Variants in PARP12 observed in about 807,000 individuals in gnomAD.
PARP12 encodes the protein poly(ADP-ribose) polymerase family member 12, also known as protein mono-ADP-ribosyltransferase PARP12.
Under a neutral mutation model 72.4 loss-of-function variants are expected in PARP12, and 59 were observed. The observed-to-expected ratio is 0.81, with a 90% CI of 0.66 to 1.01. PARP12 has a LOEUF of 1.01. Ranked by LOEUF, PARP12 falls within the 50% of genes least tolerant of loss-of-function variation. PARP12 has a pLI of 0.00. For synonymous variants in PARP12, 403 were observed against 371.4 expected, an observed-to-expected ratio of 1.09 and a Z score of -0.98; for missense variants, 851 against 914.0, an observed-to-expected ratio of 0.93 and a Z score of 0.89.
intron 9 of PARP12, among the ~76,000 whole-genome samples, 193 bp downstream of exon 9, chr7:140,028,420 T>C (rs1815817981): frequency 6.6e-6 from 1 of 152,170 alleles, no homozygotes; most frequent in Non-Finnish European, 1.5e-5. Context: ...AGCCAACTCC[T>C]GGGTGGTGAA....
At chr7:140,056,684 C>T (rs1245267619) in intron 3 of PARP12, among the ~76,000 whole-genome samples, 172 bp downstream of exon 3, 2 of 152,216 alleles carry the variant, frequency 1.3e-5, no homozygotes, top group African/African-American at 2.4e-5. Flanking sequence ...TTATCCTCAC[C>T]CCCGCACTCC....
chr7:140,041,464 A>G (rs1816464294), intron 6 of PARP12, 180 bp downstream of exon 6: 1 of 549,312 alleles, frequency 1.8e-6, no homozygotes, highest in Non-Finnish European at 3.2e-6. Flanking sequence ...AAGCTCATAC[A>G]AATAAATTCC....
chr7:140,059,952 A>G (rs1817372463), intron 1 of PARP12, among the ~76,000 whole-genome samples: 1 of 152,244 alleles, frequency 6.6e-6, no homozygotes, highest in African/African-American at 2.4e-5. Flanking sequence ...AGAGAAAGGA[A>G]GAACATTCCA....
Position 140,062,856 on chromosome 7 carries a change from G to A in PARP12, c.-9C>T, listed in dbSNP as rs1325949541. On this transcript the variant is annotated 5_prime_UTR_variant, in exon 1 of 12. Coordinates refer to ENST00000263549, the MANE Select transcript of PARP12 (RefSeq NM_022750.4). ...ACGCCGGCCTGGGCCATGGCCGCTG[G>A]GCCTGCTCCCGTCGGACCGCGGGTG... 2 of 1,299,380 alleles carry A rather than the reference G, an allele frequency of 1.5e-6. No homozygotes were observed. Among genetic ancestry groups the A allele is most frequent in the South Asian group, 2.2e-5 (1 of 46,400 alleles). 80.5% of individuals were successfully genotyped at this position (1,299,380 alleles called of 1,614,324 possible).
chr7:140,060,472 G>A (rs1817399935), intron 1 of PARP12, among the ~76,000 whole-genome samples: 1 of 152,134 alleles, frequency 6.6e-6, no homozygotes, highest in African/African-American at 2.4e-5. Context: ...AGAAATGGAA[G>A]GTTCAAGAAA....
rs776196722 is a variant in PARP12, at chr7:140,024,551, C to T, written c.*9G>A. On this transcript the variant is annotated 3_prime_UTR_variant, in exon 12 of 12. Transcript: ENST00000263549. Reference sequence around the variant, plus strand: ...GAGCAGGTGAAAGGCCTGGAACACTCCTGTGCGCTCACTGTCGGCTGCTGA... The same window carrying T: ...GAGCAGGTGAAAGGCCTGGAACACTTCTGTGCGCTCACTGTCGGCTGCTGA... 12 of 1,613,894 alleles carry T rather than the reference C, an allele frequency of 7.4e-6. No individual in the cohort carries two copies. The South Asian group carries it at 1.3e-4, about 18-fold the overall frequency.
chr7:140,062,036 G>A (rs1817473892), intron 1 of PARP12, among the ~76,000 whole-genome samples: 3 of 150,676 alleles, frequency 2.0e-5, no homozygotes, highest in Admixed American at 2.0e-4. Context: ...GCAGGGACCA[G>A]TGCCCCAGGA....
chr7:140,054,636 G>A (rs1817106541), intron 4 of PARP12, 26 bp downstream of exon 4: 2 of 1,548,420 alleles, frequency 1.3e-6, no homozygotes, highest in African/African-American at 1.4e-5. Flanking sequence ...CCCACAAGTG[G>A]AATGAAGGAG....
rs755861806 is a variant in PARP12, at chr7:140,024,899, C to G, written c.1781-14G>C. On this transcript the variant is annotated splice_polypyrimidine_tract_variant and intron_variant, in intron 11 of 11. Transcript: ENST00000263549. ...CAAAGTAGCTCCCTGAAATGACACA[C>G]GAGGGCTCAGCTGGTGGAGGGGCCT... 2.5e-6 allele frequency: 4 copies of G among 1,609,190 alleles called. No individual in the cohort carries two copies. The highest frequency in any genetic ancestry group is 1.3e-5 in the African/African-American group (1 of 74,954).
At chr7:140,055,011 G>A (rs1479525697) in intron 3 of PARP12, among the ~76,000 whole-genome samples, 1 of 152,114 alleles carries the variant, frequency 6.6e-6, no homozygotes, top group Non-Finnish European at 1.5e-5. Context: ...CTCAACTCTC[G>A]CTGTCCATTC....
intron 1 of PARP12, among the ~76,000 whole-genome samples, chr7:140,061,274 C>T (rs1379468358): frequency 6.6e-6 from 1 of 152,164 alleles, no homozygotes; most frequent in African/African-American, 2.4e-5. Context: ...TCCCTCTTTT[C>T]GATCAGCCCC....
rs1420907628 is a variant in PARP12 at position 140,057,161 on chromosome 7, C to G, written c.463-8G>C. Reference sequence around the variant, plus strand: ...GTTGTAATGTTGGCAAATCTGTTGACAGAGAGGGAAAAAACCACCAGTTCA... The same window carrying G: ...GTTGTAATGTTGGCAAATCTGTTGAGAGAGAGGGAAAAAACCACCAGTTCA... On this transcript the variant is annotated splice_region_variant and splice_polypyrimidine_tract_variant and intron_variant, in intron 2 of 11. Coordinates refer to ENST00000263549, the MANE Select transcript of PARP12 (RefSeq NM_022750.4). 1 of 1,604,656 alleles carries G rather than the reference C, an allele frequency of 6.2e-7. No homozygotes were observed. The highest frequency in any genetic ancestry group is 1.1e-5 in the South Asian group (1 of 89,802).
chr7:140,048,710 T>C (rs1186979217), intron 4 of PARP12, among the ~76,000 whole-genome samples: 1 of 152,248 alleles, frequency 6.6e-6, no homozygotes, highest in South Asian at 2.1e-4. Context: ...TCTGTCATTT[T>C]GGCATGTTTT....
At chr7:140,045,242 A>C (rs1317919434) in intron 5 of PARP12, among the ~76,000 whole-genome samples, 1 of 152,106 alleles carries the variant, frequency 6.6e-6, no homozygotes, top group Non-Finnish European at 1.5e-5. Flanking sequence ...TATGTTGCCC[A>C]GGCTAGTTGT....
chr7:140,030,792 T>C (rs1282695412), intron 8 of PARP12, among the ~76,000 whole-genome samples: 1 of 152,236 alleles, frequency 6.6e-6, no homozygotes, highest in African/African-American at 2.4e-5. Flanking sequence ...TGAGATTTTC[T>C]TGTGGTTTTT....
chr7:140,038,417 G>A (rs1816310942), intron 6 of PARP12: 1 of 614,536 alleles, frequency 1.6e-6, no homozygotes, highest in Non-Finnish European at 2.0e-6. Flanking sequence ...TTGAATTCTG[G>A]CTCCCAAACC....
At chr7:140,047,710 C>T (rs951454905) in intron 4 of PARP12, among the ~76,000 whole-genome samples, 2 of 152,128 alleles carry the variant, frequency 1.3e-5, no homozygotes, top group Admixed American at 6.5e-5. Context: ...CTCAACCTCC[C>T]AGGCTCAGGT....
At chr7:140,036,086 GAGA>G (rs1816185307) in intron 7 of PARP12, among the ~76,000 whole-genome samples, 1 of 148,486 alleles carries the variant, frequency 6.7e-6, no homozygotes. Context: ...GGAGGAGAAG[GAGA>G]AGAATTGTGC....
Position 140,041,789 on chromosome 7 carries a change from A to G in PARP12, c.1037T>C (p.Phe346Ser). 2 of 1,614,140 alleles carry G rather than the reference A, an allele frequency of 1.2e-6. No homozygotes were observed. The highest frequency in any genetic ancestry group is 1.7e-6 in the Non-Finnish European group (2 of 1,180,004). ...ASTFHSHCLN[F>S]NAMTYGATQA... Reference sequence around the variant, plus strand: ...GGTAGCACCGTAAGTCATGGCGTTAAAGTTCAGACAATGAGAGTGAAAGGT... The same window carrying G: ...GGTAGCACCGTAAGTCATGGCGTTAGAGTTCAGACAATGAGAGTGAAAGGT... The change falls in exon 6 of 12, where the codon TTT (phenylalanine) becomes TCT (serine). Residue 346 changes from phenylalanine to serine, a missense_variant. Around this residue, in one of 3 missense-constraint regions of PARP12, gnomAD observed 492 missense variants for 489.3 expected, o/e 1.01. Transcript: ENST00000263549.
Sources: allele counts gnomAD v4.1 joint callset (sites outside exome capture counted in the v4.1 genomes callset), GRCh38; gene constraint gnomAD v4.1.1; regional missense constraint gnomAD v4.1.1; transcripts MANE v1.5; gene names NCBI Gene and HGNC (gene_info 2026-07-23, HGNC 2026-07-21).